The following TEAD4 variants were observed in gnomAD, a reference collection of about 807,000 sequenced individuals.
TEAD4 encodes TEA domain transcription factor 4.
In TEAD4, 36 loss-of-function variants were observed where a neutral mutation model predicts 52.4. The observed-to-expected ratio is 0.69, with a 90% confidence interval of 0.53 to 0.91. TEAD4 has a LOEUF of 0.91. TEAD4 is among the 40% of genes least tolerant of loss of function. TEAD4 has a pLI of 0.00. For synonymous variants in TEAD4, 220 were observed against 231.0 expected (o/e 0.95, Z 0.43); for missense variants, 508 against 583.9 (o/e 0.87, Z 1.34).
Position 2,979,457 on chromosome 12 carries a change from C to T in TEAD4, c.-29-15281C>T, listed in dbSNP as rs561975268. Among the ~76,000 whole-genome samples the T allele has an allele frequency of 9.8e-5, 15 of 152,320 alleles. No individual in the cohort carries two copies. In the South Asian group the frequency reaches 2.1e-3, roughly 21 times the overall value. ...ACTAAATAGACCCAGAACAAGACACCTGCAGGAGAGCTGACCCAGGTAGAC... is the reference window on the plus strand; with the variant it reads ...ACTAAATAGACCCAGAACAAGACACTTGCAGGAGAGCTGACCCAGGTAGAC... On this transcript the variant is annotated intron_variant, in intron 2 of 12. Coordinates refer to ENST00000359864, the MANE Select transcript of TEAD4 (RefSeq NM_003213.4).
rs553123717 is a variant in TEAD4, at chr12:3,020,550, G to A, written c.584-84G>A. 93 of 1,418,404 alleles carry A rather than the reference G, an allele frequency of 6.6e-5. 1 individual carries two copies. In the African/African-American group the frequency reaches 9.1e-4, roughly 14 times the overall value. The allele number at this position is 1,418,404 out of a possible 1,614,324, so 87.9% of individuals were successfully genotyped here. A position where few individuals can be genotyped will look rare whatever the true frequency, so the allele number is the denominator to read the frequency against. Reference sequence around the variant, plus strand: ...CCCCCCAGGCAGCACGGGTCTGTCCGAGGAGGCCTGGGGTCCTTGCAGAGG... The same window carrying A: ...CCCCCCAGGCAGCACGGGTCTGTCCAAGGAGGCCTGGGGTCCTTGCAGAGG... On this transcript the variant is annotated intron_variant, in intron 8 of 12. Transcript: ENST00000359864.
At chr12:3,003,668 T>TG (rs1162803569) in intron 3 of TEAD4, among the ~76,000 whole-genome samples, 3 of 152,110 alleles carry the variant, frequency 2.0e-5, no homozygotes, top group Non-Finnish European at 4.4e-5. Flanking sequence ...GGGTGTGAGC[T>TG]GGGGGCTGTC....
chr12:3,021,155 G>A (rs1263554614), intron 9 of TEAD4, among the ~76,000 whole-genome samples: 1 of 152,064 alleles, frequency 6.6e-6, no homozygotes, highest in East Asian at 1.9e-4. Context: ...AGTCTCCTGT[G>A]TCTGCTCCAT....
intron 2 of TEAD4, 166 bp downstream of exon 2, chr12:2,960,206 G>C: frequency 1.2e-6 from 1 of 812,910 alleles, no homozygotes; most frequent in Non-Finnish European, 1.5e-6. Flanking sequence ...GGTAAGGGGG[G>C]TGGACACTCG....
chr12:2,960,268 C>G, intron 2 of TEAD4: 1 of 985,310 alleles, frequency 1.0e-6, no homozygotes, highest in South Asian at 4.7e-5. Context: ...GAGGCAGAAC[C>G]GAGAGCATCG....
intron 5 of TEAD4, among the ~76,000 whole-genome samples, chr12:3,016,755 T>C (rs1021031838): frequency 2.6e-5 from 4 of 152,214 alleles, no homozygotes; most frequent in Non-Finnish European, 2.9e-5. Context: ...ACGATTACTA[T>C]TGTTACCCGT....
At chr12:2,966,844 T>C (rs565525232) in intron 2 of TEAD4, among the ~76,000 whole-genome samples, 18 of 152,242 alleles carry the variant, frequency 1.2e-4, no homozygotes, top group Non-Finnish European at 2.1e-4. Context: ...GTAGCTGGGA[T>C]TACAGGCACC....
chr12:3,007,585 A>T (rs530505446), intron 3 of TEAD4, among the ~76,000 whole-genome samples: 31 of 152,352 alleles, frequency 2.0e-4, no homozygotes, highest in African/African-American at 7.5e-4. Context: ...TTTTTGCTTC[A>T]TTGAAGTATA....
At chr12:2,995,426 G>A (rs865935961) in intron 3 of TEAD4, among the ~76,000 whole-genome samples, 3 of 152,244 alleles carry the variant, frequency 2.0e-5, no homozygotes, top group Middle Eastern at 3.4e-3. Context: ...TGGGTTAGAC[G>A]GGTCTAGTCC....
chr12:3,027,048 AGTGGT>A (rs2098272528), intron 10 of TEAD4, among the ~76,000 whole-genome samples: 2 of 152,084 alleles, frequency 1.3e-5, no homozygotes, highest in African/African-American at 4.8e-5. Context: ...GTTGGAGTGC[AGTGGT>A]GTGATCTCGG....
Position 3,011,056 on chromosome 12 carries a change from C to T in TEAD4, c.279C>T (p.Arg93=). The change falls in exon 4 of 13, where the codon CGC becomes CGT. Residue 93 remains arginine, a synonymous_variant. Coordinates refer to ENST00000359864, the MANE Select transcript of TEAD4 (RefSeq NM_003213.4). ...TCAAGCTCCGGACAGGGAAGACCCGCACCAGGAAGCAGGTGGGCCTCAAGA... is the reference window on the plus strand; with the variant it reads ...TCAAGCTCCGGACAGGGAAGACCCGTACCAGGAAGCAGGTGGGCCTCAAGA... 1.2e-6 allele frequency: 2 copies of T among 1,614,116 alleles called. No individual in the cohort carries two copies. The highest frequency in any genetic ancestry group is 1.7e-6 in the Non-Finnish European group (2 of 1,179,994).
At chr12:3,026,242 A>G (rs4766024) in intron 10 of TEAD4, among the ~76,000 whole-genome samples, 92,016 of 151,608 alleles carry the variant, frequency 0.61, 33,461 homozygotes, top group East Asian at 0.94. Context: ...TTTACCATTT[A>G]TTTTCAATCT....
intron 3 of TEAD4, among the ~76,000 whole-genome samples, chr12:3,009,454 A>C (rs1043283172): frequency 2.2e-5 from 3 of 138,704 alleles, no homozygotes; most frequent in Admixed American, 2.0e-4. Context: ...ATAAAAATAA[A>C]GAAGAAGAGA....
At chr12:3,030,159 C>T (rs1005932604) in intron 10 of TEAD4, among the ~76,000 whole-genome samples, 1 of 152,158 alleles carries the variant, frequency 6.6e-6, no homozygotes, top group African/African-American at 2.4e-5. Flanking sequence ...GATGGTCACC[C>T]TTTGGTCCTC....
At chr12:3,020,848 C>T in intron 9 of TEAD4, 75 bp downstream of exon 9, 5 of 1,430,068 alleles carry the variant, frequency 3.5e-6, no homozygotes, top group Non-Finnish European at 4.6e-6. Context: ...GCAGTCTTGC[C>T]CCACTCCATG....
chr12:3,034,244 A>G lies in TEAD4; in HGVS notation c.898-3724A>G, dbSNP rs887664118. 2.6e-5 allele frequency among the ~76,000 whole-genome samples: 4 copies of G among 152,162 alleles called. 1 individual carries two copies. The highest frequency in any genetic ancestry group is 9.6e-5 in the African/African-American group (4 of 41,530). ...CTGATGACAGAAGAGTGTATCTGAG[A>G]TGGGGGTGGAGCTGGGGCGCAGAAC... On this transcript the variant is annotated intron_variant, in intron 10 of 12. Coordinates refer to ENST00000359864, the MANE Select transcript of TEAD4 (RefSeq NM_003213.4).
At chr12:2,993,631 T>C (rs1817778613) in intron 2 of TEAD4, among the ~76,000 whole-genome samples, 2 of 151,946 alleles carry the variant, frequency 1.3e-5, no homozygotes, top group African/African-American at 4.8e-5. Context: ...CCAGCACACC[T>C]GGCTAATTTT....
chr12:3,009,893 G>A (rs1286517741), intron 3 of TEAD4, among the ~76,000 whole-genome samples: 1 of 152,214 alleles, frequency 6.6e-6, no homozygotes, highest in Non-Finnish European at 1.5e-5. Context: ...AGGTCAGCTG[G>A]GGGGTCAGCT....
chr12:2,961,571 C>T (rs1487741375), intron 2 of TEAD4, among the ~76,000 whole-genome samples: 1 of 152,070 alleles, frequency 6.6e-6, no homozygotes, highest in Non-Finnish European at 1.5e-5. Context: ...GACCAGGGTA[C>T]AAATCCTGAG....
Sources: allele counts gnomAD v4.1 joint callset (sites outside exome capture counted in the v4.1 genomes callset), GRCh38; gene constraint gnomAD v4.1.1; transcripts MANE v1.5; gene names NCBI Gene and HGNC (gene_info 2026-07-23, HGNC 2026-07-21).